RHOBTB2: variants seen among roughly 807,000 people sequenced by gnomAD.
RHOBTB2 encodes the protein Rho related BTB domain containing 2.
Under a neutral mutation model 66.5 loss-of-function variants are expected in RHOBTB2, and 39 were observed. That is an observed-to-expected ratio of 0.59 (90% CI 0.45 to 0.77). The LOEUF (loss-of-function observed/expected upper bound fraction) is 0.77, where lower values mean the gene tolerates loss of function less well. Among genes scored for constraint, RHOBTB2 ranks in the 30% least tolerant of loss-of-function variants. The pLI is 0.00. For missense variants in RHOBTB2, 755 were observed against 999.1 expected, an observed-to-expected ratio of 0.76 and a Z score of 3.29; for synonymous variants, 390 against 395.0, an observed-to-expected ratio of 0.99 and a Z score of 0.15.
At position 23,007,573 on chromosome 8, in the gene RHOBTB2, G is replaced by A. The variant is rs145553281; in HGVS notation, c.1328G>A (p.Arg443His). ...ACGGGGGAGCTAGATGAGAACGAGC[G>A]TGACCTCATGCACATTGCCCACATT... is the stretch of plus-strand genomic sequence containing the variant. ...LYTGELDENE[R>H]DLMHIAHIAE... The change falls in exon 5 of 10, where the codon CGT (arginine) becomes CAT (histidine). Residue 443 changes from arginine to histidine, a missense_variant. Physicochemically the swap from Arg to His is conservative, Grantham distance 29. Coordinates refer to ENST00000251822, the MANE Select transcript of RHOBTB2 (RefSeq NM_015178.3). 62 of 1,614,054 alleles carry A rather than the reference G, an allele frequency of 3.8e-5. No individual in the cohort carries two copies. The highest frequency in any genetic ancestry group is 1.3e-4 in the East Asian group (6 of 44,900).
the RHOBTB2 span, among the ~76,000 whole-genome samples, chr8:22,970,835 C>T: frequency 6.6e-6 from 1 of 152,116 alleles, no homozygotes; most frequent in Non-Finnish European, 1.5e-5. Context: ...CACACAACTC[C>T]GCAGATGGTT....
chr8:22,968,069 T>C, the RHOBTB2 span, among the ~76,000 whole-genome samples: 3 of 152,010 alleles, frequency 2.0e-5, no homozygotes, highest in Non-Finnish European at 2.9e-5. Context: ...GGTGGGAGGA[T>C]GGCTTGATCC....
At chr8:22,990,207 G>A (rs146824490) in intron 1 of RHOBTB2, among the ~76,000 whole-genome samples, 17 of 152,312 alleles carry the variant, frequency 1.1e-4, no homozygotes, top group Non-Finnish European at 4.4e-5. Flanking sequence ...AAGGATAAAC[G>A]AAGGAAGGAC....
chr8:23,007,978 GCTT>G lies in RHOBTB2; in HGVS notation c.1502-9_1502-7del, dbSNP rs1563292785. 7.5e-6 allele frequency: 12 copies of G among 1,608,208 alleles called. No individual in the cohort carries two copies. In the East Asian group the frequency reaches 2.2e-4, roughly 30 times the overall value. ...CTTCTTTCACCAGTCCTCCTGTGAT[GCTT>G]CTTCTGGACAGATGTGACCTTCATC... is the stretch of plus-strand genomic sequence containing the variant. On this transcript the variant is annotated splice_polypyrimidine_tract_variant and intron_variant, in intron 5 of 9. Coordinates refer to ENST00000251822, the MANE Select transcript of RHOBTB2 (RefSeq NM_015178.3).
chr8:22,963,004 G>T, the RHOBTB2 span, among the ~76,000 whole-genome samples: 1 of 152,248 alleles, frequency 6.6e-6, no homozygotes, highest in Non-Finnish European at 1.5e-5. Flanking sequence ...GAGGTGGACA[G>T]ATTCGAAGGG....
the RHOBTB2 span, among the ~76,000 whole-genome samples, chr8:22,970,211 G>A: frequency 2.6e-5 from 4 of 152,298 alleles, no homozygotes; most frequent in South Asian, 2.1e-4. Flanking sequence ...TCTGGTGAGC[G>A]CTGCTCTTTA....
At position 23,004,427 on chromosome 8, in the gene RHOBTB2, C is replaced by T; in HGVS notation, c.-8C>T. On this transcript the variant is annotated splice_region_variant and 5_prime_UTR_variant, in exon 2 of 10. Coordinates refer to ENST00000251822, the MANE Select transcript of RHOBTB2 (RefSeq NM_015178.3). The surrounding 1 kb of genome is among the most constrained non-coding windows in gnomAD (Gnocchi z 6.4). ...ACCGCCTCCCTCCTCTCCCTCAGGT[C>T]CCGTTTAATGGATTCTGACATGGAT... is the stretch of plus-strand genomic sequence containing the variant. The T allele has an allele frequency of 2.5e-6, 4 of 1,614,004 alleles. No homozygotes were observed. Among genetic ancestry groups the T allele is most frequent in the Non-Finnish European group, 3.4e-6 (4 of 1,179,880 alleles).
intron 7 of RHOBTB2, among the ~76,000 whole-genome samples, chr8:23,011,914 C>A (rs527296673): frequency 6.6e-6 from 1 of 152,068 alleles, no homozygotes; most frequent in Non-Finnish European, 1.5e-5. Context: ...AACAGCAATC[C>A]GTGAGGAAAA....
the RHOBTB2 span, among the ~76,000 whole-genome samples, chr8:22,981,682 G>A: frequency 6.6e-6 from 1 of 152,198 alleles, no homozygotes; most frequent in African/African-American, 2.4e-5. Context: ...GGACAGAGGT[G>A]GGTGCAGTCA....
the RHOBTB2 span, among the ~76,000 whole-genome samples, chr8:22,960,480 G>T: frequency 6.6e-6 from 1 of 151,668 alleles, no homozygotes; most frequent in Non-Finnish European, 1.5e-5. Flanking sequence ...CACCACGCCC[G>T]GCTAATTTTT....
chr8:23,017,941 C>T lies in RHOBTB2; in HGVS notation c.*472C>T, dbSNP rs369872669. 7.0e-5 allele frequency: 12 copies of T among 171,392 alleles called. No homozygotes were observed. The highest frequency in any genetic ancestry group is 3.1e-4 in the East Asian group (2 of 6,552). The allele number at this position is 171,392 out of a possible 1,614,324, so 10.6% of individuals were successfully genotyped here. ...CATTTGTTTTGTGGGCATTTCCACA[C>T]GAAGCCTACTCACACCCTCACTGGA... is the stretch of plus-strand genomic sequence containing the variant. On this transcript the variant is annotated 3_prime_UTR_variant, in exon 10 of 10. Coordinates refer to ENST00000251822, the MANE Select transcript of RHOBTB2 (RefSeq NM_015178.3). The surrounding 1 kb of genome is among the most constrained non-coding windows in gnomAD (Gnocchi z 5.3).
chr8:22,994,624 C>A, upstream of RHOBTB2: 1 of 1,551,438 alleles, frequency 6.4e-7, no homozygotes, highest in Non-Finnish European at 8.7e-7. Context: ...CCCCAGAAGA[C>A]CTCTTCAGAC....
the RHOBTB2 span, among the ~76,000 whole-genome samples, chr8:22,971,834 T>C: frequency 6.6e-6 from 1 of 152,198 alleles, no homozygotes; most frequent in Non-Finnish European, 1.5e-5. Context: ...CTTCTCCTGC[T>C]TCAGCTATCC....
chr8:22,973,585 C>T, the RHOBTB2 span, among the ~76,000 whole-genome samples: 1 of 152,170 alleles, frequency 6.6e-6, no homozygotes, highest in South Asian at 2.1e-4. Context: ...AGCAGTGGGT[C>T]TCACTCCCAG....
the RHOBTB2 span, among the ~76,000 whole-genome samples, chr8:22,975,801 C>G: frequency 3.9e-5 from 6 of 152,030 alleles, no homozygotes; most frequent in African/African-American, 1.4e-4. Context: ...TGGGTGGCCC[C>G]TTCCCTCCCT....
chr8:22,992,626 G>A (rs2128797381), intron 2 of RHOBTB2, among the ~76,000 whole-genome samples: 1 of 152,308 alleles, frequency 6.6e-6, no homozygotes, highest in Admixed American at 6.5e-5. Flanking sequence ...TGGCTTCCAG[G>A]CCCTGTCCTG....
chr8:23,016,626 G>T (rs1280151190), intron 9 of RHOBTB2, among the ~76,000 whole-genome samples: 1 of 152,064 alleles, frequency 6.6e-6, no homozygotes, highest in Non-Finnish European at 1.5e-5. Flanking sequence ...TGCCCAGGCT[G>T]GTCTCAAACT....
chr8:22,952,407 C>T, the RHOBTB2 span, among the ~76,000 whole-genome samples: 1 of 152,092 alleles, frequency 6.6e-6, no homozygotes, highest in Non-Finnish European at 1.5e-5. Flanking sequence ...TAAAGCAGTA[C>T]CCTTAAAGGC....
intron 1 of RHOBTB2, among the ~76,000 whole-genome samples, chr8:23,001,709 G>A (rs1175548249): frequency 6.6e-6 from 1 of 152,186 alleles, no homozygotes; most frequent in Non-Finnish European, 1.5e-5. Context: ...GGAGACTGAT[G>A]CCCAGAAAAT....
Sources: gnomAD v4.1 joint callset for allele counts (sites outside exome capture counted in the v4.1 genomes callset) on GRCh38, gnomAD v4.1.1 for gene constraint, Gnocchi (gnomAD v3.1) non-coding constraint, MANE v1.5 for transcripts, NCBI Gene and HGNC (gene_info 2026-07-23, HGNC 2026-07-21) for gene names.